Variants in TENM1 observed in about 807,000 individuals in gnomAD.
The protein encoded by TENM1 is teneurin transmembrane protein 1, also known as teneurin-1.
TENM1 carries 35 observed loss-of-function variants against 174.8 expected under a neutral mutation model. That is an observed-to-expected ratio of 0.20 (90% CI 0.15 to 0.27). The LOEUF (loss-of-function observed/expected upper bound fraction) is 0.27, where lower values mean the gene tolerates loss of function less well. TENM1 is among the 10% of genes least tolerant of loss of function. The pLI is 1.00. For synonymous variants in TENM1, 781 were observed against 798.7 expected, an observed-to-expected ratio of 0.98 and a Z score of 0.37; for missense variants, 1,633 against 2,130.1, an observed-to-expected ratio of 0.77 and a Z score of 4.59.
At chrX:125,010,581 G>A in the TENM1 span, among the ~76,000 whole-genome samples, 2 of 109,327 alleles carry the variant, frequency 1.8e-5, no homozygotes, top group Admixed American at 9.8e-5. Context: ...TTGGGAGGCC[G>A]AGACGGGCGG....
chrX:124,614,620 C>T (rs1338763313), intron 11 of TENM1, among the ~76,000 whole-genome samples: 5 of 112,007 alleles, frequency 4.5e-5, no homozygotes, highest in African/African-American at 1.6e-4. Context: ...TGGTGGCTCA[C>T]GCCTGTAATC....
At chrX:124,528,273 C>T (rs770275886) in intron 16 of TENM1, among the ~76,000 whole-genome samples, 48 of 111,219 alleles carry the variant, frequency 4.3e-4, no homozygotes, top group African/African-American at 1.4e-3. Flanking sequence ...ACAAAAATAA[C>T]AACAAAGATT....
the TENM1 span, among the ~76,000 whole-genome samples, chrX:124,990,460 A>G: frequency 8.8e-6 from 1 of 113,158 alleles, no homozygotes; most frequent in Non-Finnish European, 1.9e-5. Flanking sequence ...ACACTAAAAA[A>G]GAACAGCAAT....
chrX:124,861,554 T>C (rs772636549), intron 3 of TENM1, among the ~76,000 whole-genome samples: 5 of 112,210 alleles, frequency 4.5e-5, no homozygotes, highest in East Asian at 2.8e-4. Context: ...TCCACATTTA[T>C]TAAAAACTTT....
intron 3 of TENM1, among the ~76,000 whole-genome samples, chrX:124,845,018 C>T (rs998026153): frequency 1.8e-4 from 20 of 111,014 alleles, no homozygotes; most frequent in African/African-American, 5.6e-4. Context: ...CCCCAGGTGA[C>T]TAGTAGGGCC....
At chrX:124,992,555 G>A in the TENM1 span, among the ~76,000 whole-genome samples, 4,198 of 110,924 alleles carry the variant, frequency 0.038, 186 homozygotes, top group African/African-American at 0.13. Flanking sequence ...ATGTGTTATT[G>A]TAACTTTCCC....
chrX:124,676,546 A>G lies in TENM1; in HGVS notation c.1016-4711T>C, dbSNP rs1299940461. 6.6e-5 allele frequency among the ~76,000 whole-genome samples: 7 copies of G among 105,580 alleles called. No individual in the cohort carries two copies. In the East Asian group the frequency reaches 1.8e-3, roughly 27 times the overall value. The allele number at this position is 105,580 out of a possible 115,157, so 91.7% of individuals were successfully genotyped here. On this transcript the variant is annotated intron_variant, in intron 5 of 31. Coordinates refer to ENST00000422452, the Ensembl canonical transcript of TENM1. Reference sequence around the variant, plus strand: ...ATTATTCTCCTTCCTTTTCTATCCAATTGCAAAGAGCTGTGCTCTAAAATT... The same window carrying G: ...ATTATTCTCCTTCCTTTTCTATCCAGTTGCAAAGAGCTGTGCTCTAAAATT...
the TENM1 span, among the ~76,000 whole-genome samples, chrX:124,972,772 T>C: frequency 2.7e-4 from 30 of 112,191 alleles, no homozygotes; most frequent in Non-Finnish European, 5.1e-4. Flanking sequence ...CAGAAAATGA[T>C]GGCTTTCAAA....
At chrX:124,970,323 A>C in the TENM1 span, among the ~76,000 whole-genome samples, 1 of 111,954 alleles carries the variant, frequency 8.9e-6, no homozygotes, top group Admixed American at 9.5e-5. Context: ...TAAAGGGTAC[A>C]TAGAACATTG....
At chrX:124,573,692 G>T (rs1048054181) in intron 11 of TENM1, among the ~76,000 whole-genome samples, 1 of 111,917 alleles carries the variant, frequency 8.9e-6, no homozygotes, top group Middle Eastern at 4.2e-3. Context: ...ATGAATGAGG[G>T]AATCCTCTAC....
At chrX:124,730,188 A>T (rs1353893792) in intron 4 of TENM1, among the ~76,000 whole-genome samples, 1 of 111,620 alleles carries the variant, frequency 9.0e-6, no homozygotes, top group African/African-American at 3.3e-5. Flanking sequence ...TCTATTTAAA[A>T]GCATGCTAAG....
intron 3 of TENM1, among the ~76,000 whole-genome samples, chrX:124,882,954 G>C (rs904450459): frequency 1.8e-5 from 2 of 111,783 alleles, no homozygotes; most frequent in African/African-American, 6.5e-5. Context: ...TCTCATTGTA[G>C]AGATCTTTCA....
chrX:124,635,735 G>A (rs1488995933), intron 11 of TENM1, among the ~76,000 whole-genome samples: 1 of 112,415 alleles, frequency 8.9e-6, no homozygotes, highest in South Asian at 3.7e-4. Flanking sequence ...TTTACAAAAG[G>A]AATATAGCAG....
intron 3 of TENM1, among the ~76,000 whole-genome samples, chrX:124,881,889 C>T (rs1488639427): frequency 9.0e-6 from 1 of 110,756 alleles, no homozygotes; most frequent in African/African-American, 3.3e-5. Context: ...CCACCATGCC[C>T]GGCTAATTTT....
chrX:124,966,562 T>C (rs772096693), upstream of TENM1, among the ~76,000 whole-genome samples: 3 of 105,451 alleles, frequency 2.8e-5, no homozygotes, highest in Admixed American at 3.0e-4. Context: ...CTCGGGAGGC[T>C]GAGGCAGGAG....
chrX:124,781,349 G>A (rs192271791), intron 3 of TENM1, among the ~76,000 whole-genome samples: 7 of 111,144 alleles, frequency 6.3e-5, no homozygotes, highest in South Asian at 3.8e-4. Context: ...TCTAGCACTC[G>A]GATTCAGTTT....
intron 11 of TENM1, among the ~76,000 whole-genome samples, chrX:124,579,452 C>A (rs1479876284): frequency 9.0e-6 from 1 of 111,412 alleles, no homozygotes; most frequent in Non-Finnish European, 1.9e-5. Flanking sequence ...CTATCTCTAC[C>A]TGCACAAATG....
At chrX:125,118,162 A>G in the TENM1 span, among the ~76,000 whole-genome samples, 1 of 111,399 alleles carries the variant, frequency 9.0e-6, no homozygotes, top group African/African-American at 3.3e-5. Context: ...CTAAGTGGGA[A>G]CTAAACAAAG....
At chrX:125,037,035 T>C in the TENM1 span, among the ~76,000 whole-genome samples, 2 of 112,149 alleles carry the variant, frequency 1.8e-5, no homozygotes, top group East Asian at 5.6e-4. Flanking sequence ...ATTTAAAATA[T>C]TTAGTTATGG....
Sources: allele counts gnomAD v4.1 joint callset (sites outside exome capture counted in the v4.1 genomes callset), GRCh38; gene constraint gnomAD v4.1.1; transcripts MANE v1.5; gene names NCBI Gene and HGNC (gene_info 2026-07-23, HGNC 2026-07-21).